The following DOK6 variants were observed in gnomAD, a reference collection of about 807,000 sequenced individuals.
The protein encoded by DOK6 is docking protein 6.
In DOK6, 22 loss-of-function variants were observed where a neutral mutation model predicts 44.0. The ratio of observed to expected loss-of-function variants is 0.50; its 90% CI spans 0.36 to 0.71. DOK6 has a LOEUF of 0.71. Among genes scored for constraint, DOK6 ranks in the 30% least tolerant of loss-of-function variants. The pLI is 0.00. For missense variants in DOK6, 340 were observed against 416.4 expected, an observed-to-expected ratio of 0.82 and a Z score of 1.60; for synonymous variants, 166 against 145.5, an observed-to-expected ratio of 1.14 and a Z score of -1.01.
chr18:69,543,543 T>C (rs1414123081), intron 1 of DOK6, among the ~76,000 whole-genome samples: 2 of 151,610 alleles, frequency 1.3e-5, no homozygotes, highest in African/African-American at 2.4e-5. Flanking sequence ...GCCAACCTGT[T>C]TTCCTTGGTG....
chr18:69,551,928 T>C (rs1982575969), intron 1 of DOK6, among the ~76,000 whole-genome samples: 1 of 152,184 alleles, frequency 6.6e-6, no homozygotes, highest in African/African-American at 2.4e-5. Context: ...CCATAAATAA[T>C]AAAAAATAAT....
intron 7 of DOK6, among the ~76,000 whole-genome samples, chr18:69,758,544 T>C (rs966323565): frequency 1.3e-5 from 2 of 152,172 alleles, no homozygotes; most frequent in African/African-American, 4.8e-5. Flanking sequence ...GTTCCTTCCC[T>C]TTTGTTTTAA....
At chr18:69,493,171 C>T (rs1273013413) in intron 1 of DOK6, among the ~76,000 whole-genome samples, 1 of 152,122 alleles carries the variant, frequency 6.6e-6, no homozygotes, top group East Asian at 1.9e-4. Flanking sequence ...TATTCATATT[C>T]ATCTTTGAGT....
At chr18:69,831,714 A>G (rs952130141) in intron 7 of DOK6, among the ~76,000 whole-genome samples, 1 of 152,218 alleles carries the variant, frequency 6.6e-6, no homozygotes, top group Admixed American at 6.5e-5. Flanking sequence ...GAGATCTCCA[A>G]AGGAATTTCA....
intron 1 of DOK6, among the ~76,000 whole-genome samples, chr18:69,462,195 C>T (rs778456827): frequency 6.6e-6 from 1 of 152,024 alleles, no homozygotes; most frequent in Non-Finnish European, 1.5e-5. Context: ...ATTTATTTGT[C>T]TGTATTTCCC....
intron 1 of DOK6, among the ~76,000 whole-genome samples, chr18:69,410,331 G>C (rs544568895): frequency 1.3e-5 from 2 of 152,230 alleles, no homozygotes; most frequent in Admixed American, 6.5e-5. Context: ...GTTGAGTGTA[G>C]GTTTGCTTTA....
At chr18:69,563,819 G>T (rs902509847) in intron 1 of DOK6, among the ~76,000 whole-genome samples, 2 of 151,736 alleles carry the variant, frequency 1.3e-5, no homozygotes, top group East Asian at 3.9e-4. Context: ...AAAAGATTCA[G>T]GTGTGTGTGT....
intron 1 of DOK6, among the ~76,000 whole-genome samples, chr18:69,458,449 G>A (rs1360374293): frequency 6.6e-6 from 1 of 152,092 alleles, no homozygotes; most frequent in Non-Finnish European, 1.5e-5. Context: ...ATACTGACTG[G>A]GTAAAAGCTA....
intron 3 of DOK6, among the ~76,000 whole-genome samples, chr18:69,648,048 A>G (rs1447688370): frequency 6.6e-6 from 1 of 152,190 alleles, no homozygotes; most frequent in Non-Finnish European, 1.5e-5. Context: ...TAGCTATCAT[A>G]TAATCATCAT....
chr18:69,828,055 A>G (rs2145130005), intron 7 of DOK6, among the ~76,000 whole-genome samples: 1 of 152,036 alleles, frequency 6.6e-6, no homozygotes, highest in Non-Finnish European at 1.5e-5. Context: ...AACCGGGAAT[A>G]CTGTACTTCA....
chr18:69,643,976 C>T (rs78195662), intron 3 of DOK6, among the ~76,000 whole-genome samples: 10,587 of 152,160 alleles, frequency 0.07, 423 homozygotes, highest in Admixed American at 0.1. Flanking sequence ...TCATTTTTGA[C>T]TTAGCTTATC....
chr18:69,706,514 C>CT (rs34689612), intron 5 of DOK6, among the ~76,000 whole-genome samples: 30 of 147,508 alleles, frequency 2.0e-4, no homozygotes, highest in South Asian at 6.3e-4. Flanking sequence ...TCAAGAAACT[C>CT]TTTTTTTTTT....
At chr18:69,804,597 G>T (rs867168399) in intron 7 of DOK6, among the ~76,000 whole-genome samples, 53 of 152,120 alleles carry the variant, frequency 3.5e-4, no homozygotes, top group African/African-American at 1.1e-3. Flanking sequence ...TCAGTGGCAT[G>T]TATTAACAAA....
chr18:69,831,396 A>G (rs9962408), intron 7 of DOK6, among the ~76,000 whole-genome samples: 16,547 of 152,182 alleles, frequency 0.11, 1,069 homozygotes, highest in Non-Finnish European at 0.12. Flanking sequence ...CTCAGAAATA[A>G]TGTTTCACCA....
chr18:69,839,545 C>T (rs1982152454), intron 7 of DOK6, among the ~76,000 whole-genome samples: 1 of 152,230 alleles, frequency 6.6e-6, no homozygotes, highest in Non-Finnish European at 1.5e-5. Context: ...ACTATATCAT[C>T]AGGGTCTTGC....
At chr18:69,530,760 T>A (rs190269333) in intron 1 of DOK6, among the ~76,000 whole-genome samples, 48 of 152,270 alleles carry the variant, frequency 3.2e-4, no homozygotes, top group African/African-American at 9.9e-4. Flanking sequence ...GGTGGAGAGT[T>A]CTGTAGATGT....
intron 7 of DOK6, among the ~76,000 whole-genome samples, chr18:69,825,426 T>A (rs915078382): frequency 2.1e-5 from 3 of 141,926 alleles, no homozygotes; most frequent in Non-Finnish European, 4.6e-5. Context: ...AATCATAACT[T>A]CTTTTTTTTT....
chr18:69,799,043 T>C (rs1212957167), intron 7 of DOK6, among the ~76,000 whole-genome samples: 1 of 152,004 alleles, frequency 6.6e-6, no homozygotes, highest in Non-Finnish European at 1.5e-5. Flanking sequence ...CAGAATTTAA[T>C]ATAATTATTG....
intron 7 of DOK6, among the ~76,000 whole-genome samples, chr18:69,835,983 GTTA>G (rs1265826397): frequency 6.6e-6 from 1 of 152,128 alleles, no homozygotes; most frequent in Non-Finnish European, 1.5e-5. Context: ...TAAAATCAGT[GTTA>G]TTAAGATAAA....
Sources: gnomAD v4.1 joint callset for allele counts (sites outside exome capture counted in the v4.1 genomes callset) on GRCh38, gnomAD v4.1.1 for gene constraint, MANE v1.5 for transcripts, NCBI Gene and HGNC (gene_info 2026-07-23, HGNC 2026-07-21) for gene names.